COBL: variants seen among roughly 807,000 people sequenced by gnomAD.
COBL encodes protein cordon-bleu.
Under a neutral mutation model 98.8 loss-of-function variants are expected in COBL, and 51 were observed. The ratio of observed to expected loss-of-function variants is 0.52; its 90% CI spans 0.41 to 0.65. The LOEUF (loss-of-function observed/expected upper bound fraction) is 0.65, where lower values mean the gene tolerates loss of function less well. Among genes scored for constraint, COBL ranks in the 30% least tolerant of loss-of-function variants. The probability of loss-of-function intolerance (pLI) is 0.00; values close to 1 mark genes in which losing one functional copy is unlikely to be tolerated. For missense variants in COBL, 1,617 were observed against 1,617.5 expected (o/e 1.00, Z 0.01); for synonymous variants, 634 against 651.7 (o/e 0.97, Z 0.41).
intron 1 of COBL, among the ~76,000 whole-genome samples, chr7:51,231,539 C>T (rs565841836): frequency 1.3e-3 from 203 of 152,302 alleles, no homozygotes; most frequent in African/African-American, 4.5e-3. Context: ...GTCTCTGGAT[C>T]GGGGAAGTGC....
rs376041678 is a variant in COBL, at chr7:51,193,491, G to C, written c.344C>G (p.Pro115Arg). The C allele has an allele frequency of 1.2e-5, 19 of 1,614,060 alleles. No homozygotes were observed. Among genetic ancestry groups the C allele is most frequent in the Non-Finnish European group, 1.5e-5 (18 of 1,180,046 alleles). Residue 115 changes from proline to arginine, a missense_variant, in exon 3 of 13, where the codon CCT becomes CGT. Physicochemically the swap from Pro to Arg is moderately radical, Grantham distance 103. Coordinates refer to ENST00000265136, the MANE Select transcript of COBL (RefSeq NM_015198.5). The stretch of plus-strand genomic sequence containing the variant: ...CAAAGTATTTGGCTTAAAACTCAAA[G>C]GTTGTTGGGTTTCTGAAGACCGAAT... The part of the protein sequence containing the change: ...LEIRSSETQQ[P>R]LSFKPNTLIG...
intron 1 of COBL, among the ~76,000 whole-genome samples, chr7:51,234,562 G>A (rs865854165): frequency 1.3e-5 from 2 of 152,078 alleles, no homozygotes; most frequent in African/African-American, 4.8e-5. Flanking sequence ...CTAGCCGGGC[G>A]TGTTGGTGTG....
chr7:51,176,509 C>A (rs527586877), intron 5 of COBL, among the ~76,000 whole-genome samples: 38 of 152,232 alleles, frequency 2.5e-4, no homozygotes, highest in Non-Finnish European at 5.1e-4. Context: ...TCTTCTTAAA[C>A]CCCTGCTAAC....
intron 7 of COBL, among the ~76,000 whole-genome samples, chr7:51,079,965 A>G (rs1793470574): frequency 6.6e-6 from 1 of 152,204 alleles, no homozygotes; most frequent in Admixed American, 6.5e-5. Context: ...TCATGACCAA[A>G]TATCAAGTAC....
chr7:51,168,726 A>G (rs537955108), intron 5 of COBL, among the ~76,000 whole-genome samples: 1 of 152,308 alleles, frequency 6.6e-6, no homozygotes, highest in East Asian at 1.9e-4. Flanking sequence ...TCAAAAACCT[A>G]AAATAAAGCT....
At chr7:51,281,559 T>G (rs1799819925) in intron 1 of COBL, among the ~76,000 whole-genome samples, 1 of 151,816 alleles carries the variant, frequency 6.6e-6, no homozygotes. Context: ...CAAAACAAAG[T>G]GACATTTCTT....
At chr7:51,309,437 ACTGTC>A (rs1802810102) in intron 1 of COBL, among the ~76,000 whole-genome samples, 3 of 152,162 alleles carry the variant, frequency 2.0e-5, no homozygotes, top group Admixed American at 2.0e-4. Flanking sequence ...TCTTTAAGCC[ACTGTC>A]ACTTTATGTT....
chr7:51,097,708 A>C (rs1286636023), intron 6 of COBL, among the ~76,000 whole-genome samples: 3 of 152,124 alleles, frequency 2.0e-5, no homozygotes, highest in Non-Finnish European at 4.4e-5. Flanking sequence ...AGTTGCATTA[A>C]AAATAATAAA....
chr7:51,206,660 G>A (rs970561970), intron 2 of COBL, among the ~76,000 whole-genome samples: 2 of 152,140 alleles, frequency 1.3e-5, no homozygotes, highest in Non-Finnish European at 1.5e-5. Context: ...AAGAAAATGT[G>A]GTTACGTATA....
chr7:51,029,174 T>C lies in COBL; in HGVS notation c.1922A>G (p.Asp641Gly), dbSNP rs1254030230. 3.1e-6 allele frequency: 5 copies of C among 1,614,200 alleles called. No homozygotes were observed. In the Admixed American group the frequency reaches 6.7e-5, roughly 22 times the overall value. Residue 641 changes from aspartate to glycine, a missense_variant, in exon 10 of 13, where the codon GAC (aspartate) becomes GGC (glycine). This residue lies in a region of COBL where 1,304 missense variants were observed against 1,282.0 expected (regional missense o/e 1.02). Coordinates refer to ENST00000265136, the MANE Select transcript of COBL (RefSeq NM_015198.5). ...GTCTTTCACTTTTGCATTTAGGTTG[T>C]CTGTGTGAAGATTCGAAGCAAAAGA... ...VTSFASNLHTDNLNAKVKDKV... is the reference protein window; with the variant it reads ...VTSFASNLHTGNLNAKVKDKV...
rs1787243884 is a variant in COBL, at chr7:51,024,150, C to CCA, written c.3768+957_3768+958dup. 9.2e-5 allele frequency among the ~76,000 whole-genome samples: 14 copies of CCA among 151,888 alleles called. No homozygotes were observed. The South Asian group carries it at 2.9e-3, about 32-fold the overall frequency. On this transcript the variant is annotated intron_variant, in intron 12 of 12. Transcript: ENST00000265136. ...CAGTGAAACTCCATCTCGACTAAAACCACAAAAAATTAGCCGGGCGTGGTG... is the reference window on the plus strand; with the variant it reads ...CAGTGAAACTCCATCTCGACTAAAACCACACAAAAAATTAGCCGGGCGTGGTG...
intron 1 of COBL, among the ~76,000 whole-genome samples, chr7:51,256,976 T>TG (rs1311200044): frequency 2.0e-5 from 3 of 152,148 alleles, no homozygotes; most frequent in African/African-American, 7.2e-5. Context: ...ACACGAGACT[T>TG]GAACAGGGAA....
At chr7:51,121,052 T>C (rs984535443) in intron 6 of COBL, among the ~76,000 whole-genome samples, 1 of 152,176 alleles carries the variant, frequency 6.6e-6, no homozygotes, top group Non-Finnish European at 1.5e-5. Flanking sequence ...AATTGCTAGA[T>C]CCTATGGGGA....
chr7:51,247,988 A>T (rs2129132966), intron 1 of COBL, among the ~76,000 whole-genome samples: 1 of 152,176 alleles, frequency 6.6e-6, no homozygotes, highest in South Asian at 2.1e-4. Context: ...AACATACAAA[A>T]GTTAGCTGGG....
chr7:51,275,081 G>C (rs1799172183), intron 1 of COBL, among the ~76,000 whole-genome samples: 2 of 152,170 alleles, frequency 1.3e-5, no homozygotes, highest in Admixed American at 6.5e-5. Flanking sequence ...ACAAAGACAG[G>C]GCTGAAGAGG....
chr7:51,062,604 C>T (rs1433300540), intron 7 of COBL, among the ~76,000 whole-genome samples: 1 of 152,212 alleles, frequency 6.6e-6, no homozygotes, highest in Non-Finnish European at 1.5e-5. Context: ...TCCCAGACAA[C>T]ATCATGGCTT....
At chr7:51,108,299 G>A (rs180843340) in intron 6 of COBL, among the ~76,000 whole-genome samples, 64 of 133,136 alleles carry the variant, frequency 4.8e-4, no homozygotes, top group Non-Finnish European at 7.5e-4. Flanking sequence ...CTTTTGCTCT[G>A]AGGCTCATCC....
rs752216700 is a variant in COBL at position 51,083,125 on chromosome 7, G to A, written c.1096+2041C>T. Reference sequence around the variant, plus strand: ...CGGGAAAGCTGAGAGGCTCCACCACGTCTGTGTCGGGAGGAGGGTAGGGCG... The same window carrying A: ...CGGGAAAGCTGAGAGGCTCCACCACATCTGTGTCGGGAGGAGGGTAGGGCG... On this transcript the variant is annotated intron_variant, in intron 7 of 12. Transcript: ENST00000265136. The A allele has an allele frequency of 3.2e-5, 49 of 1,521,698 alleles. No homozygotes were observed. In the African/African-American group the frequency reaches 4.8e-4, roughly 15 times the overall value. The allele number at this position is 1,521,698 out of a possible 1,614,324, so 94.3% of individuals were successfully genotyped here.
chr7:51,186,232 C>T (rs1251467422), intron 4 of COBL, among the ~76,000 whole-genome samples: 1 of 151,232 alleles, frequency 6.6e-6, no homozygotes, highest in Non-Finnish European at 1.5e-5. Context: ...CATGGACCAA[C>T]GGATGCTCAC....
Sources: gnomAD v4.1 joint callset for allele counts (sites outside exome capture counted in the v4.1 genomes callset) on GRCh38, gnomAD v4.1.1 for gene constraint, gnomAD v4.1.1 regional missense constraint, MANE v1.5 for transcripts, NCBI Gene and HGNC (gene_info 2026-07-23, HGNC 2026-07-21) for gene names.